EMID1: variants seen among roughly 807,000 people sequenced by gnomAD.
EMID1 encodes the protein EMI domain containing 1.
In EMID1, 40 loss-of-function variants were observed where a neutral mutation model predicts 60.6. The ratio of observed to expected loss-of-function variants is 0.66; its 90% CI spans 0.51 to 0.86. The LOEUF (loss-of-function observed/expected upper bound fraction) is 0.86. Ranked by LOEUF, EMID1 falls within the 40% of genes least tolerant of loss-of-function variation. The pLI is 0.00. For missense variants in EMID1, 585 were observed against 597.1 expected, an observed-to-expected ratio of 0.98 and a Z score of 0.21; for synonymous variants, 242 against 231.0, an observed-to-expected ratio of 1.05 and a Z score of -0.43.
At chr22:29,221,587 GA>G (rs1170364837) in intron 3 of EMID1, among the ~76,000 whole-genome samples, 1 of 152,106 alleles carries the variant, frequency 6.6e-6, no homozygotes, top group Non-Finnish European at 1.5e-5. Context: ...TGTTAGCCAG[GA>G]TGGTCTCGAT....
intron 6 of EMID1, chr22:29,231,368 CG>C: frequency 6.0e-6 from 5 of 829,298 alleles, no homozygotes; most frequent in South Asian, 1.6e-5. Context: ...GCCTGGAGGT[CG>C]GGGGGAGCTG....
chr22:29,236,653 T>A (rs1337880112), intron 12 of EMID1, among the ~76,000 whole-genome samples: 1 of 151,976 alleles, frequency 6.6e-6, no homozygotes, highest in Non-Finnish European at 1.5e-5. Flanking sequence ...ATTGTGCCAC[T>A]GCACTCCAGC....
chr22:29,214,111 C>T lies in EMID1; in HGVS notation c.102-815C>T, dbSNP rs1487107496. ...GTTGGTGTTTGGAGAACTCAGTCCT[C>T]TGGGCTTGGGGCATTGATTACACAT... On this transcript the variant is annotated intron_variant, in intron 1 of 14. Coordinates refer to ENST00000334018, the MANE Select transcript of EMID1 (RefSeq NM_133455.4). Among the ~76,000 whole-genome samples the T allele has an allele frequency of 1.1e-4, 17 of 152,360 alleles. No individual in the cohort carries two copies. The East Asian group carries it at 3.1e-3, about 28-fold the overall frequency.
At chr22:29,245,039 G>A (rs1428982930) in intron 13 of EMID1, among the ~76,000 whole-genome samples, 1 of 151,588 alleles carries the variant, frequency 6.6e-6, no homozygotes, top group East Asian at 1.9e-4. Flanking sequence ...TGATTGTGGG[G>A]TCAGTGATGG....
At chr22:29,209,335 T>C (rs1001404842) in intron 1 of EMID1, among the ~76,000 whole-genome samples, 1 of 151,942 alleles carries the variant, frequency 6.6e-6, no homozygotes, top group Non-Finnish European at 1.5e-5. Context: ...GGCAGAAGTG[T>C]TGGGCCCAGG....
rs1181021727 is a variant in EMID1 at position 29,206,060 on chromosome 22, G to A, written c.22G>A (p.Ala8Thr). Residue 8 changes from alanine to threonine, a missense_variant, in exon 1 of 15, where the codon GCG becomes ACG. Transcript: ENST00000334018. ...CAGCATGGGCGGCCCGCGGGCTTGG[G>A]CGCTGCTCTGCCTCGGGCTCCTGCT... MGGPRAW[A>T]LLCLGLLLPG... The A allele has an allele frequency of 1.6e-6, 2 of 1,229,384 alleles. No individual in the cohort carries two copies. Among genetic ancestry groups the A allele is most frequent in the African/African-American group, 1.6e-5 (1 of 64,260 alleles). 76.2% of individuals were successfully genotyped at this position (1,229,384 alleles called of 1,614,324 possible). A position where few individuals can be genotyped will look rare whatever the true frequency, so the allele number is the denominator to read the frequency against.
intron 5 of EMID1, 94 bp from the exon 6 acceptor site, chr22:29,230,926 G>C: frequency 6.7e-7 from 1 of 1,502,546 alleles, no homozygotes; most frequent in Non-Finnish European, 8.9e-7. Flanking sequence ...CTGCATTCTA[G>C]CCTGGGCAAC....
intron 3 of EMID1, among the ~76,000 whole-genome samples, chr22:29,221,903 TC>T (rs1475528327): frequency 7.2e-5 from 11 of 152,190 alleles, no homozygotes; most frequent in Admixed American, 1.3e-4. Flanking sequence ...TAAACTCTTT[TC>T]TTTTTTTAAT....
intron 3 of EMID1, among the ~76,000 whole-genome samples, chr22:29,220,052 C>T (rs1431145234): frequency 6.6e-6 from 1 of 152,172 alleles, no homozygotes; most frequent in Non-Finnish European, 1.5e-5. Flanking sequence ...GCCAGCCCAT[C>T]CTGCACGCCC....
chr22:29,223,710 C>T (rs1238391363), intron 3 of EMID1, among the ~76,000 whole-genome samples: 1 of 152,228 alleles, frequency 6.6e-6, no homozygotes, highest in Non-Finnish European at 1.5e-5. Context: ...TTCTCTCATC[C>T]ACCTTTATCT....
chr22:29,219,545 C>G (rs1398633553), intron 3 of EMID1, among the ~76,000 whole-genome samples: 1 of 152,066 alleles, frequency 6.6e-6, no homozygotes, highest in Non-Finnish European at 1.5e-5. Flanking sequence ...TTTGGGAGGC[C>G]AAGGCAGGAG....
In EMID1 at chr22:29,250,089, A is replaced by T. The variant is rs944895921; in HGVS notation, c.1120-4114A>T. On this transcript the variant is annotated intron_variant, in intron 13 of 14. Transcript: ENST00000334018. ...AGACACCTGTCTCTACAAAAAAAAT[A>T]AAAAAATTTGTTTTCAATTAGCTGG... Among the ~76,000 whole-genome samples, 14 of 152,288 alleles carry T rather than the reference A, an allele frequency of 9.2e-5. 1 individual carries two copies. Among genetic ancestry groups the T allele is most frequent in the Middle Eastern group, 6.8e-3 (2 of 294 alleles).
chr22:29,232,440 G>C lies in EMID1; in HGVS notation c.823+38G>C, dbSNP rs559904498. ...GGGATCCCAGCAGGTGGAGGTGGGG[G>C]TGGAGTAGCCATCAGCACAGTGCCC... On this transcript the variant is annotated intron_variant, in intron 8 of 14. Transcript: ENST00000334018. The C allele has an allele frequency of 1.3e-5, 19 of 1,515,866 alleles. No individual in the cohort carries two copies. The South Asian group carries it at 2.3e-4, about 19-fold the overall frequency. The allele number at this position is 1,515,866 out of a possible 1,614,324, so 93.9% of individuals were successfully genotyped here. A position where few individuals can be genotyped will look rare whatever the true frequency, so the allele number is the denominator to read the frequency against.
At chr22:29,210,945 G>T (rs1351916558) in intron 1 of EMID1, among the ~76,000 whole-genome samples, 3 of 151,336 alleles carry the variant, frequency 2.0e-5, no homozygotes, top group African/African-American at 7.3e-5. Flanking sequence ...ACCTGTTTGT[G>T]TACATGTGAG....
chr22:29,235,241 G>A (rs766658589), intron 12 of EMID1, among the ~76,000 whole-genome samples: 8 of 151,600 alleles, frequency 5.3e-5, no homozygotes, highest in Non-Finnish European at 7.4e-5. Context: ...CCAGCTACTC[G>A]GGAGGCTGAG....
In EMID1 at chr22:29,258,917, C is replaced by T. The variant is rs1312427408; in HGVS notation, c.1305C>T (p.Ala435=). The T allele has an allele frequency of 6.2e-7, 1 of 1,613,302 alleles. No homozygotes were observed. Among genetic ancestry groups the T allele is most frequent in the Non-Finnish European group, 8.5e-7 (1 of 1,179,692 alleles). Residue 435 remains alanine (A), a synonymous_variant, in exon 15 of 15, where the codon GCC becomes GCT. Coordinates refer to ENST00000334018, the MANE Select transcript of EMID1 (RefSeq NM_133455.4). ...ATGCAACCAACTACCGGATCGTGGC[C>T]CCCAGGAGCCGGGACGAGAGAGGCT... ...GGHATNYRIV[A]PRSRDERG
At chr22:29,220,443 G>C (rs1332117688) in intron 3 of EMID1, among the ~76,000 whole-genome samples, 2 of 152,136 alleles carry the variant, frequency 1.3e-5, no homozygotes, top group Non-Finnish European at 2.9e-5. Flanking sequence ...CCTAACCCCT[G>C]GCTCTGGTCA....
At position 29,233,620 on chromosome 22, in the gene EMID1, CT is replaced by C. The variant is rs1261964029; in HGVS notation, c.921del (p.Pro309LeufsTer14). 1.9e-6 allele frequency: 3 copies of C among 1,613,712 alleles called. No individual in the cohort carries two copies. Among genetic ancestry groups the C allele is most frequent in the South Asian group, 1.1e-5 (1 of 91,070 alleles). On this transcript the variant is annotated frameshift_variant, in exon 10 of 15. Coordinates refer to ENST00000334018, the MANE Select transcript of EMID1 (RefSeq NM_133455.4). LOFTEE classifies it high-confidence loss of function. ...ACATCCTGTCTTTTTCCAGGTCCCC[CT>C]GGGCCTCCTGGCCCCACAGGTGTCC... ...PPGPPGPMGP[P>X]GPPGPTGVPG...
intron 5 of EMID1, 94 bp from the exon 6 acceptor site, chr22:29,230,926 G>A (rs144751753): frequency 6.7e-7 from 1 of 1,502,546 alleles, no homozygotes; most frequent in East Asian, 2.4e-5. Flanking sequence ...CTGCATTCTA[G>A]CCTGGGCAAC....
Sources: gnomAD v4.1 joint callset for allele counts (sites outside exome capture counted in the v4.1 genomes callset) on GRCh38, gnomAD v4.1.1 for gene constraint, MANE v1.5 for transcripts, NCBI Gene and HGNC (gene_info 2026-07-23, HGNC 2026-07-21) for gene names.